Variants in COMMD5 observed in about 807,000 individuals in gnomAD.
COMMD5 encodes COMM domain-containing protein 5.
COMMD5 carries 10 observed loss-of-function variants against 6.9 expected under a neutral mutation model. The ratio of observed to expected loss-of-function variants is 1.44; its 90% CI spans 0.89 to 2.45. The LOEUF (loss-of-function observed/expected upper bound fraction) is 2.45. Among genes scored for constraint, COMMD5 ranks in the 30% most tolerant of loss-of-function variants. COMMD5 has a pLI of 0.00. For missense variants in COMMD5, 234 were observed against 287.8 expected, an observed-to-expected ratio of 0.81 and a Z score of 1.35; for synonymous variants, 127 against 125.3, an observed-to-expected ratio of 1.01 and a Z score of -0.09.
exon 2 of COMMD5, chr8:144,841,048 T>G (rs1829835885): frequency 3.3e-6 from 1 of 300,566 alleles, no homozygotes; most frequent in Admixed American, 4.7e-5. Flanking sequence ...TTGCTTTGTC[T>G]CCTTTGCCTC....
intron 1 of COMMD5, chr8:144,842,175 C>A: frequency 1.2e-6 from 2 of 1,614,120 alleles, no homozygotes; most frequent in Non-Finnish European, 1.7e-6. Context: ...AGAGAACTCA[C>A]ACTGGGGAGA....
downstream of COMMD5, chr8:144,845,980 C>A: frequency 6.5e-7 from 1 of 1,536,458 alleles, no homozygotes; most frequent in South Asian, 1.2e-5. Context: ...CTACTTCAGG[C>A]TTTCTGGGCC....
At chr8:144,850,005 C>T (rs1830664137), downstream of COMMD5, among the ~76,000 whole-genome samples, 1 of 152,070 alleles carries the variant, frequency 6.6e-6, no homozygotes, top group East Asian at 1.9e-4. This position sits in a 1 kb window ranked among gnomAD's most constrained non-coding sequence, Gnocchi z 4.0. Flanking sequence ...GGCCTCCCCA[C>T]ACTGGCCGCC....
downstream of COMMD5, among the ~76,000 whole-genome samples, chr8:144,848,226 A>G (rs1431713961): frequency 6.6e-6 from 1 of 151,924 alleles, no homozygotes; most frequent in Non-Finnish European, 1.5e-5. Context: ...TGTGCCTGTG[A>G]GCCCAGGAGG....
chr8:144,840,579 C>T (rs930245133), downstream of COMMD5, among the ~76,000 whole-genome samples: 16 of 152,188 alleles, frequency 1.1e-4, no homozygotes, highest in Admixed American at 5.2e-4. Flanking sequence ...CTGACCTCAG[C>T]AGAGGTGCCC....
At chr8:144,843,304 T>G in intron 1 of COMMD5, 1 of 1,156,960 alleles carries the variant, frequency 8.6e-7, no homozygotes, top group Non-Finnish European at 1.2e-6. Flanking sequence ...AATATCCAAC[T>G]TCAGGCCGAG....
At position 144,841,319 on chromosome 8, in the gene COMMD5, G is replaced by A. The variant is rs771987821; in HGVS notation, c.*541C>T. 5.1e-6 allele frequency: 8 copies of A among 1,560,280 alleles called. No homozygotes were observed. The African/African-American group carries it at 8.2e-5, about 16-fold the overall frequency. ...TAGTCTTATCATTTCTCTGAGCACA[G>A]GGCCTAAGGAACGTCTTTGTTCCTG... On this transcript the variant is annotated 3_prime_UTR_variant and NMD_transcript_variant, in exon 2 of 2. Transcript: ENST00000530332.
intron 1 of COMMD5, among the ~76,000 whole-genome samples, chr8:144,844,313 C>T (rs891464675): frequency 3.3e-4 from 50 of 152,334 alleles, no homozygotes; most frequent in African/African-American, 7.5e-4. Context: ...CACCCGTGTG[C>T]GCACAGGCCC....
At position 144,850,642 on chromosome 8, in the gene COMMD5, A is replaced by G. The variant is rs1830690663; in HGVS notation, c.*22T>C. 4 of 1,603,146 alleles carry G rather than the reference A, an allele frequency of 2.5e-6. No homozygotes were observed. Among genetic ancestry groups the G allele is most frequent in the Middle Eastern group, 4.2e-4 (2 of 4,794 alleles). The stretch of plus-strand genomic sequence containing the variant: ...AGGTGCCTGTCCAAGCCGGATCTGA[A>G]TGGGACTGGTCAAGTGAGGGGTCAG... On this transcript the variant is annotated 3_prime_UTR_variant, in exon 2 of 2. Coordinates refer to ENST00000305103, the MANE Select transcript of COMMD5 (RefSeq NM_014066.4). The surrounding 1 kb of genome is among the most constrained non-coding windows in gnomAD (Gnocchi z 4.0).
At position 144,850,889 on chromosome 8, in the gene COMMD5, C is replaced by T. The variant is rs140272862; in HGVS notation, c.450G>A (p.Pro150=). The change falls in exon 2 of 2, where the codon CCG becomes CCA. Residue 150 remains proline (P), a synonymous_variant. Transcript: ENST00000305103. This position sits in a 1 kb window ranked among gnomAD's most constrained non-coding sequence, Gnocchi z 4.0. ...CCCGCCACCGAAAGTCAGCAACATG[C>T]GGCAGCCAGGCCCCCTGCTGCTGGG... ...SVAQQQGAWL[P]HVADFRWRVD... is the part of the protein sequence containing the mutation. 3.5e-5 allele frequency: 57 copies of T among 1,611,092 alleles called. No homozygotes were observed. Among genetic ancestry groups the T allele is most frequent in the Middle Eastern group, 1.7e-4 (1 of 5,984 alleles).
At chr8:144,840,144 T>A (rs1349151480), downstream of COMMD5, among the ~76,000 whole-genome samples, 1 of 151,918 alleles carries the variant, frequency 6.6e-6, no homozygotes, top group African/African-American at 2.4e-5. Context: ...TTGGGAGGAG[T>A]GTCAAGCAAG....
Position 144,842,067 on chromosome 8 carries a change from C to T in COMMD5, c.*117-324G>A, listed in dbSNP as rs142823355. 1.7e-4 allele frequency: 274 copies of T among 1,613,956 alleles called. No homozygotes were observed. In the African/African-American group the frequency reaches 3.5e-3, roughly 21 times the overall value. ...GAAAAGCTTTTGGTCAGAGCTCAAG[C>T]CTCATCCACCATCAGAGAATCCACA... is the stretch of plus-strand genomic sequence containing the variant. On this transcript the variant is annotated intron_variant and NMD_transcript_variant, in intron 1 of 1. Coordinates refer to the COMMD5 transcript ENST00000530332.
At position 144,852,209 on chromosome 8, in the gene COMMD5, A is replaced by T. The variant is rs1479466541; in HGVS notation, c.-58+630T>A. Among the ~76,000 whole-genome samples the T allele has an allele frequency of 2.0e-5, 3 of 152,200 alleles. No homozygotes were observed. In the East Asian group the frequency reaches 5.8e-4, roughly 29 times the overall value. ...GGCAGGGAAGAAGAAAAGAAAAGTA[A>T]AAAGAAATCAAAGCTCTAAACACAG... On this transcript the variant is annotated intron_variant, in intron 1 of 1. Coordinates refer to ENST00000305103, the MANE Select transcript of COMMD5 (RefSeq NM_014066.4).
rs1178616968 is a variant in COMMD5, at chr8:144,851,011, T to C, written c.328A>G (p.Arg110Gly). 3 of 1,612,440 alleles carry C rather than the reference T, an allele frequency of 1.9e-6. No individual in the cohort carries two copies. Among genetic ancestry groups the C allele is most frequent in the Non-Finnish European group, 2.5e-6 (3 of 1,179,762 alleles). Residue 110 changes from arginine to glycine, a missense_variant, in exon 2 of 2, where the codon AGG (arginine) becomes GGG (glycine). Physicochemically the swap from Arg to Gly is moderately radical, Grantham distance 125 (BLOSUM62 -2). Coordinates refer to ENST00000305103, the MANE Select transcript of COMMD5 (RefSeq NM_014066.4). Reference sequence around the variant, plus strand: ...ATGCAGAGCTCCTGGAGCTGGTCCCTGAAGGTGTCAGGCTTCAGGCTGGTG... The same window carrying C: ...ATGCAGAGCTCCTGGAGCTGGTCCCCGAAGGTGTCAGGCTTCAGGCTGGTG... The part of the protein sequence containing the change: ...PPTSLKPDTF[R>G]DQLQELCIPQ...
exon 2 of COMMD5, chr8:144,841,229 A>AC: frequency 1.0e-6 from 1 of 954,896 alleles, no homozygotes; most frequent in Non-Finnish European, 1.6e-6. Context: ...GCACGTTTCC[A>AC]CCTGGGGCCT....
At chr8:144,849,902 C>T (rs2736647), downstream of COMMD5, among the ~76,000 whole-genome samples, 8,174 of 152,120 alleles carry the variant, frequency 0.054, 478 homozygotes, top group East Asian at 0.25. Flanking sequence ...TTAAAAGGCT[C>T]TCAGGCCTTG....
At chr8:144,846,222 C>A (rs1380570202), downstream of COMMD5, 1 of 1,513,220 alleles carries the variant, frequency 6.6e-7, no homozygotes. Context: ...GTTCTTTTCA[C>A]TAACAGCAAC....
downstream of COMMD5, among the ~76,000 whole-genome samples, chr8:144,840,154 G>T (rs890107221): frequency 6.6e-6 from 1 of 152,230 alleles, no homozygotes; most frequent in African/African-American, 2.4e-5. Context: ...TGTCAAGCAA[G>T]CCCTGTTGAA....
downstream of COMMD5, among the ~76,000 whole-genome samples, chr8:144,839,719 T>C (rs545306928): frequency 6.6e-6 from 1 of 152,258 alleles, no homozygotes; most frequent in South Asian, 2.1e-4. Flanking sequence ...CCAGAATACA[T>C]GAAGCAAGGC....
Sources: allele counts gnomAD v4.1 joint callset (sites outside exome capture counted in the v4.1 genomes callset), GRCh38; gene constraint gnomAD v4.1.1; non-coding constraint Gnocchi (gnomAD v3.1); transcripts MANE v1.5; gene names NCBI Gene and HGNC (gene_info 2026-07-23, HGNC 2026-07-21).